EPHB1: variants seen among roughly 807,000 people sequenced by gnomAD.
EPHB1 encodes the protein EPH receptor B1.
Under a neutral mutation model 94.4 loss-of-function variants are expected in EPHB1, and 30 were observed. The ratio of observed to expected loss-of-function variants is 0.32; its 90% CI spans 0.24 to 0.43. The LOEUF is 0.43. Among genes scored for constraint, EPHB1 ranks in the 20% least tolerant of loss-of-function variants. The pLI is 1.00. For missense variants in EPHB1, 1,055 were observed against 1,308.3 expected (o/e 0.81, Z 2.99); for synonymous variants, 522 against 489.1 (o/e 1.07, Z -0.89).
chr3:135,152,623 C>T (rs1360789156), intron 5 of EPHB1, among the ~76,000 whole-genome samples: 1 of 152,092 alleles, frequency 6.6e-6, no homozygotes, highest in Non-Finnish European at 1.5e-5. Flanking sequence ...GTAGGAAGAG[C>T]TTTAGCTTGC....
intron 1 of EPHB1, among the ~76,000 whole-genome samples, chr3:134,905,139 G>A (rs2038291141): frequency 1.3e-5 from 2 of 152,220 alleles, no homozygotes; most frequent in Non-Finnish European, 1.5e-5. Context: ...AGCTGCATCA[G>A]TACCCACCTC....
chr3:134,947,148 C>G (rs1218114833), intron 2 of EPHB1, among the ~76,000 whole-genome samples: 6 of 152,152 alleles, frequency 3.9e-5, no homozygotes, highest in Non-Finnish European at 7.3e-5. Context: ...TGGCGCCTGG[C>G]ACAAACCTAA....
At chr3:135,175,161 C>A (rs916463559) in intron 9 of EPHB1, among the ~76,000 whole-genome samples, 5 of 152,216 alleles carry the variant, frequency 3.3e-5, no homozygotes, top group Non-Finnish European at 5.9e-5. Context: ...TTCCCTGAGA[C>A]CCTGGCTCTT....
At chr3:135,119,450 C>A (rs1939856556) in intron 4 of EPHB1, among the ~76,000 whole-genome samples, 1 of 144,194 alleles carries the variant, frequency 6.9e-6, no homozygotes, top group Non-Finnish European at 1.5e-5. Flanking sequence ...TTTTCTTTTT[C>A]TTTCTTTTTT....
chr3:134,925,311 G>A (rs1203963355), intron 1 of EPHB1, among the ~76,000 whole-genome samples: 1 of 152,242 alleles, frequency 6.6e-6, no homozygotes, highest in Non-Finnish European at 1.5e-5. Flanking sequence ...TGCCTGATGG[G>A]GAGGCAGAGG....
chr3:135,041,503 A>G (rs1455390797), intron 3 of EPHB1, among the ~76,000 whole-genome samples: 1 of 152,194 alleles, frequency 6.6e-6, no homozygotes, highest in Non-Finnish European at 1.5e-5. Context: ...GACAGCCCTG[A>G]GCAGGTTCAC....
intron 5 of EPHB1, 60 bp from the exon 6 acceptor site, chr3:135,154,092 T>C (rs1007999021): frequency 1.0e-5 from 16 of 1,605,142 alleles, no homozygotes; most frequent in Non-Finnish European, 1.4e-5. Flanking sequence ...CTCTGGAAGA[T>C]GGCCCTTCCC....
intron 1 of EPHB1, among the ~76,000 whole-genome samples, chr3:134,916,352 C>A (rs1443980885): frequency 6.6e-6 from 1 of 152,240 alleles, no homozygotes; most frequent in Non-Finnish European, 1.5e-5. Context: ...GCGCTGTGTG[C>A]CTGCACTCCT....
chr3:135,159,098 G>T (rs1320823176), intron 6 of EPHB1, among the ~76,000 whole-genome samples: 1 of 152,152 alleles, frequency 6.6e-6, no homozygotes, highest in Non-Finnish European at 1.5e-5. Flanking sequence ...AAGGAGAAAT[G>T]AGGGAAACAT....
At chr3:134,973,344 A>T (rs987254770) in intron 3 of EPHB1, among the ~76,000 whole-genome samples, 1 of 149,810 alleles carries the variant, frequency 6.7e-6, no homozygotes, top group Admixed American at 6.7e-5. Flanking sequence ...CCTGGAAGAG[A>T]TGCCCCTGCT....
chr3:135,225,103 A>T (rs563333632), intron 12 of EPHB1, among the ~76,000 whole-genome samples: 1 of 152,068 alleles, frequency 6.6e-6, no homozygotes, highest in East Asian at 1.9e-4. Flanking sequence ...CTGGCTGTTT[A>T]ATTTCTGTTT....
chr3:134,854,642 G>A (rs13079457), intron 1 of EPHB1, among the ~76,000 whole-genome samples: 30,881 of 151,896 alleles, frequency 0.2, 3,479 homozygotes, highest in African/African-American at 0.3. Context: ...CTGAGTAATC[G>A]CTTTGTATGT....
At chr3:134,860,149 G>GGACACACACACACA (rs1553858657) in intron 1 of EPHB1, among the ~76,000 whole-genome samples, 2 of 65,372 alleles carry the variant, frequency 3.1e-5, no homozygotes, top group Non-Finnish European at 6.2e-5. Flanking sequence ...GAGAAGGAAG[G>GGACACACACACACA]GACACACACA....
chr3:134,904,792 A>C (rs774441978), intron 1 of EPHB1, among the ~76,000 whole-genome samples: 1 of 152,056 alleles, frequency 6.6e-6, no homozygotes, highest in Non-Finnish European at 1.5e-5. Flanking sequence ...ACATTCCTTC[A>C]AAGTGTCTAA....
chr3:134,810,819 C>G (rs891050824), intron 1 of EPHB1, among the ~76,000 whole-genome samples: 1 of 152,208 alleles, frequency 6.6e-6, no homozygotes, highest in Non-Finnish European at 1.5e-5. Context: ...CTATGTGTCT[C>G]TCTGCTAGGC....
chr3:135,122,876 C>T (rs144592666), intron 4 of EPHB1, among the ~76,000 whole-genome samples: 15 of 152,288 alleles, frequency 9.8e-5, no homozygotes, highest in Non-Finnish European at 1.8e-4. Flanking sequence ...TTATTACTAA[C>T]TGTTATGATT....
At chr3:135,063,688 T>G (rs1345814178) in intron 3 of EPHB1, among the ~76,000 whole-genome samples, 1 of 152,204 alleles carries the variant, frequency 6.6e-6, no homozygotes, top group African/African-American at 2.4e-5. Context: ...TATTTCTTTC[T>G]CTTGTCTGAT....
At position 135,248,317 on chromosome 3, in the gene EPHB1, T is replaced by C. The variant is rs748523036; in HGVS notation, c.2498T>C (p.Val833Ala). 2.5e-6 allele frequency: 4 copies of C among 1,580,228 alleles called. No homozygotes were observed. The highest frequency in any genetic ancestry group is 3.5e-6 in the Non-Finnish European group (4 of 1,156,076). Residue 833 changes from valine (V) to alanine (A), a missense_variant and splice_region_variant, in exon 14 of 16, where the codon GTC becomes GCC. Transcript: ENST00000398015. ...RPYWDMSNQD[V>A]INAIEQDYRL... ...CCTGTTCCCTGTATGTCACTGCAGG[T>C]CATCAATGCCATCGAGCAGGACTAC...
intron 12 of EPHB1, among the ~76,000 whole-genome samples, chr3:135,227,089 T>C (rs1354115519): frequency 6.6e-6 from 1 of 152,210 alleles, no homozygotes; most frequent in African/African-American, 2.4e-5. Context: ...TTGGGTCCAA[T>C]ATACCCATGT....
Sources: allele counts gnomAD v4.1 joint callset (sites outside exome capture counted in the v4.1 genomes callset), GRCh38; gene constraint gnomAD v4.1.1; transcripts MANE v1.5; gene names NCBI Gene and HGNC (gene_info 2026-07-23, HGNC 2026-07-21).